Variants in PCDHA2 observed in about 807,000 individuals in gnomAD.
PCDHA2 encodes protocadherin alpha 2.
Under a neutral mutation model 66.0 loss-of-function variants are expected in PCDHA2, and 58 were observed. The observed-to-expected ratio is 0.88, with a 90% CI of 0.71 to 1.09. The LOEUF (loss-of-function observed/expected upper bound fraction) is 1.09, where lower values mean the gene tolerates loss of function less well. Ranked by LOEUF, PCDHA2 falls within the 50% of genes least tolerant of loss-of-function variation. PCDHA2 has a pLI of 0.00. For synonymous variants in PCDHA2, 634 were observed against 554.0 expected (o/e 1.14, Z -2.03); for missense variants, 1,267 against 1,242.3 (o/e 1.02, Z -0.30).
At chr5:140,927,630 A>C in intron 1 of PCDHA2, 1 of 1,614,182 alleles carries the variant, frequency 6.2e-7, no homozygotes, top group Non-Finnish European at 8.5e-7. Context: ...CAGAGACTGC[A>C]CCCAATGGGA....
In PCDHA2 at chr5:140,808,003, A is replaced by G. The variant is rs781837292; in HGVS notation, c.2388+10651A>G. On this transcript the variant is annotated intron_variant, in intron 1 of 3. Coordinates refer to ENST00000526136, the MANE Select transcript of PCDHA2 (RefSeq NM_018905.3). ...TTAACGCCTCAGATTTAGACGAAGG[A>G]TTGAATGGGGACATTGTTTATTCAT... 1.9e-6 allele frequency: 3 copies of G among 1,613,804 alleles called. No individual in the cohort carries two copies. In the South Asian group the frequency reaches 3.3e-5, roughly 18 times the overall value.
intron 1 of PCDHA2, among the ~76,000 whole-genome samples, chr5:140,971,092 G>A (rs1263264725): frequency 2.0e-5 from 3 of 152,168 alleles, no homozygotes; most frequent in Non-Finnish European, 4.4e-5. Flanking sequence ...ACAAATTCTT[G>A]TGAAGCCCTT....
rs558490430 is a variant in PCDHA2, at chr5:140,909,702, G to A, written c.2389-69247G>A. ...AGCCAATGTGGGGGTTCTGCTAGCT[G>A]CTAAGTATACCTATGCCAATTATGC... is the stretch of plus-strand genomic sequence containing the variant. On this transcript the variant is annotated intron_variant, in intron 1 of 3. Transcript: ENST00000526136. Among the ~76,000 whole-genome samples the A allele has an allele frequency of 3.3e-5, 5 of 152,302 alleles. No individual in the cohort carries two copies. In the East Asian group the frequency reaches 9.6e-4, roughly 29 times the overall value.
At chr5:140,851,249 A>G in intron 1 of PCDHA2, 1 of 1,094,194 alleles carries the variant, frequency 9.1e-7, no homozygotes, top group Non-Finnish European at 1.2e-6. Context: ...TAAATGATGC[A>G]TAGTATTTTA....
intron 1 of PCDHA2, among the ~76,000 whole-genome samples, chr5:140,806,427 AATGCTTTTCC>A (rs1554123599): frequency 6.6e-6 from 1 of 152,216 alleles, no homozygotes; most frequent in Admixed American, 6.5e-5. Context: ...AATTATTTGG[AATGCTTTTCC>A]ATGCAAGCTA....
At chr5:140,929,414 A>T (rs1174756115) in intron 1 of PCDHA2, 15 of 1,504,422 alleles carry the variant, frequency 1.0e-5, no homozygotes, top group Non-Finnish European at 1.3e-5. Context: ...GCCTTTCACA[A>T]CATTTCATCA....
At chr5:140,924,223 T>A (rs2081726593) in intron 1 of PCDHA2, among the ~76,000 whole-genome samples, 1 of 152,230 alleles carries the variant, frequency 6.6e-6, no homozygotes, top group South Asian at 2.1e-4. Context: ...ATAAGTTCAA[T>A]TTTTATGGGC....
chr5:140,881,587 G>C (rs1025219392), intron 1 of PCDHA2, among the ~76,000 whole-genome samples: 2 of 152,186 alleles, frequency 1.3e-5, no homozygotes, highest in Non-Finnish European at 1.5e-5. Context: ...CACATTGAGG[G>C]AAATTTATTA....
intron 1 of PCDHA2, chr5:140,851,685 G>T: frequency 1.1e-6 from 1 of 926,488 alleles, no homozygotes; most frequent in Non-Finnish European, 1.3e-6. Context: ...TCTCCATTCA[G>T]TGATAAAATG....
intron 1 of PCDHA2, chr5:140,850,435 T>G: frequency 1.3e-6 from 2 of 1,597,644 alleles, no homozygotes; most frequent in Middle Eastern, 1.7e-4. Flanking sequence ...CGCCAGCGCC[T>G]ACTGGTGCTG....
At chr5:140,967,649 T>C in intron 1 of PCDHA2, 1 of 1,614,132 alleles carries the variant, frequency 6.2e-7, no homozygotes. Context: ...GCTCAGGTAC[T>C]CCTTGAGCAG....
At chr5:140,802,258 C>G (rs782045341) in intron 1 of PCDHA2, 21 of 1,614,120 alleles carry the variant, frequency 1.3e-5, no homozygotes, top group Non-Finnish European at 1.3e-5. Flanking sequence ...GTTATTCAAT[C>G]ACTATCTTTA....
In PCDHA2 at chr5:140,802,809, C is replaced by T. The variant is rs781845951; in HGVS notation, c.2388+5457C>T. On this transcript the variant is annotated intron_variant, in intron 1 of 3. Coordinates refer to ENST00000526136, the MANE Select transcript of PCDHA2 (RefSeq NM_018905.3). The stretch of plus-strand genomic sequence containing the variant: ...GCTGCTGCAGTTCCAGGTGAGTGCG[C>T]GCGATGCGGGCGTGCCGCCTCTGGG... 8 of 1,613,372 alleles carry T rather than the reference C, an allele frequency of 5.0e-6. No homozygotes were observed. The Admixed American group carries it at 5.0e-5, about 10-fold the overall frequency.
At chr5:140,803,277 G>T in intron 1 of PCDHA2, 4 of 1,614,046 alleles carry the variant, frequency 2.5e-6, no homozygotes, top group Non-Finnish European at 3.4e-6. Context: ...AGCTGCACTG[G>T]TGGATGTCAA....
rs148608291 is a variant in PCDHA2, at chr5:140,870,364, G to A, written c.2388+73012G>A. The stretch of plus-strand genomic sequence containing the variant: ...GGACCGCGAGAACGTGTGGGCCTAT[G>A]AACTGGTGGTGACTGCGCGGGATGG... On this transcript the variant is annotated intron_variant, in intron 1 of 3. Transcript: ENST00000526136. 1,110 of 1,614,212 alleles carry A rather than the reference G, an allele frequency of 6.9e-4. 2 individuals are homozygous for A. The highest frequency in any genetic ancestry group is 9.1e-4 in the Non-Finnish European group (1,069 of 1,180,030).
chr5:140,939,240 AGGT>A (rs1314261929), intron 1 of PCDHA2, among the ~76,000 whole-genome samples: 2 of 152,170 alleles, frequency 1.3e-5, no homozygotes, highest in African/African-American at 4.8e-5. Context: ...GGAAGGAGCA[AGGT>A]AGCTCTCTGG....
rs1219590569 is a variant in PCDHA2, at chr5:140,835,123, A to G, written c.2388+37771A>G. 4 of 1,326,346 alleles carry G rather than the reference A, an allele frequency of 3.0e-6. No homozygotes were observed. In the African/African-American group the frequency reaches 4.8e-5, roughly 16 times the overall value. The allele number at this position is 1,326,346 out of a possible 1,614,324, so 82.2% of individuals were successfully genotyped here. ...GCCCCAGTGTTCGACAGAACCCTGT[A>G]TACGGTGAAATTACCAGAAAACGTT... is the stretch of plus-strand genomic sequence containing the variant. On this transcript the variant is annotated intron_variant, in intron 1 of 3. Coordinates refer to ENST00000526136, the MANE Select transcript of PCDHA2 (RefSeq NM_018905.3).
chr5:140,926,723 C>G (rs1224901751), intron 1 of PCDHA2: 1 of 1,034,598 alleles, frequency 9.7e-7, no homozygotes, highest in Non-Finnish European at 1.3e-6. Flanking sequence ...CCGGCAATGC[C>G]GGCGTTCGGG....
chr5:140,881,145 A>G (rs1335769260), intron 1 of PCDHA2, among the ~76,000 whole-genome samples: 1 of 152,246 alleles, frequency 6.6e-6, no homozygotes, highest in Non-Finnish European at 1.5e-5. Context: ...TTATAACAAT[A>G]GATAAAAGTA....
Sources: gnomAD v4.1 joint callset for allele counts (sites outside exome capture counted in the v4.1 genomes callset) on GRCh38, gnomAD v4.1.1 for gene constraint, MANE v1.5 for transcripts, NCBI Gene and HGNC (gene_info 2026-07-23, HGNC 2026-07-21) for gene names.